The following RARS2 variants were observed in gnomAD, a reference collection of about 807,000 sequenced individuals.
RARS2 encodes probable arginine--tRNA ligase, mitochondrial.
In RARS2, 67 loss-of-function variants were observed where a neutral mutation model predicts 88.5. That is an observed-to-expected ratio of 0.76 (90% CI 0.62 to 0.93). The LOEUF (loss-of-function observed/expected upper bound fraction) is 0.93, where lower values mean the gene tolerates loss of function less well. Ranked by LOEUF, RARS2 falls within the 40% of genes least tolerant of loss-of-function variation. The pLI is 0.00. For missense variants in RARS2, 664 were observed against 684.2 expected (o/e 0.97, Z 0.33); for synonymous variants, 239 against 230.3 (o/e 1.04, Z -0.34).
intron 8 of RARS2, among the ~76,000 whole-genome samples, chr6:87,532,742 A>G (rs1052237380): frequency 3.3e-5 from 5 of 152,186 alleles, no homozygotes; most frequent in African/African-American, 1.2e-4. Context: ...CGTGAATCAC[A>G]GAATCGGGGG....
At position 87,520,235 on chromosome 6, in the gene RARS2, G is replaced by A. The variant is rs138460258; in HGVS notation, c.1057C>T (p.His353Tyr). The A allele has an allele frequency of 1.4e-5, 23 of 1,612,274 alleles. No homozygotes were observed. The African/African-American group carries it at 2.3e-4, about 16-fold the overall frequency. Reference protein sequence around the residue: ...IYVTDKGQKKHFQQVFQMLKI... With the variant: ...IYVTDKGQKKYFQQVFQMLKI... ...AGCATTTGGAATACTTGCTGAAAAT[G>A]CTTTTTTTGTCCTTTATCTGTCTTG... The change falls in exon 13 of 20, where the codon CAT (histidine) becomes TAT (tyrosine). Residue 353 changes from histidine (H) to tyrosine (Y), a missense_variant. By Grantham distance (83) the His-to-Tyr change is moderately conservative. Transcript: ENST00000369536.
At chr6:87,535,205 CAAT>C (rs1778757631) in intron 8 of RARS2, among the ~76,000 whole-genome samples, 1 of 152,094 alleles carries the variant, frequency 6.6e-6, no homozygotes. Context: ...TAACTTAAAA[CAAT>C]GATGAAATCT....
intron 17 of RARS2, 68 bp downstream of exon 17, chr6:87,518,101 C>T (rs1174457583): frequency 6.2e-7 from 1 of 1,613,070 alleles, no homozygotes; most frequent in African/African-American, 1.3e-5. Flanking sequence ...CTCTACTGGG[C>T]AGCAAAAATG....
chr6:87,562,844 T>C (rs1260925415), intron 3 of RARS2, 59 bp from the exon 4 acceptor site: 4 of 1,291,996 alleles, frequency 3.1e-6, no homozygotes, highest in Non-Finnish European at 4.5e-6. Flanking sequence ...ATGAGATAGG[T>C]AGTTCTAATG....
chr6:87,569,392 A>G (rs1399831158), intron 2 of RARS2, 125 bp downstream of exon 2: 17 of 741,168 alleles, frequency 2.3e-5, no homozygotes, highest in Non-Finnish European at 3.3e-5. Context: ...ATAATGAATC[A>G]TATCTTACAG....
chr6:87,519,272 A>G lies in RARS2; in HGVS notation c.1237+311T>C, dbSNP rs1031231160. ...CCAAGGGTGAAGGTTAATTAAAGTC[A>G]TAAGGACTGGTGACTTGTATCCAAA... On this transcript the variant is annotated intron_variant, in intron 14 of 19. Transcript: ENST00000369536. 4 of 359,730 alleles carry G rather than the reference A, an allele frequency of 1.1e-5. No individual in the cohort carries two copies. The Admixed American group carries it at 1.3e-4, about 12-fold the overall frequency. The allele number at this position is 359,730 out of a possible 1,614,324, so 22.3% of individuals were successfully genotyped here.
At chr6:87,520,344 G>T in intron 12 of RARS2, 88 bp from the exon 13 acceptor site, 1 of 1,083,360 alleles carries the variant, frequency 9.2e-7, no homozygotes, top group Non-Finnish European at 1.4e-6. Flanking sequence ...TAAGATATTT[G>T]AGGTCTGACA....
chr6:87,548,620 T>A lies in RARS2; in HGVS notation c.422A>T (p.His141Leu). The A allele has an allele frequency of 6.2e-7, 1 of 1,613,220 alleles. No individual in the cohort carries two copies. ...FSSPNVAKKF[H>L]VGHLRSTIIG... Reference sequence around the variant, plus strand: ...GATGGTAGAACGCAAATGTCCAACATGAAATTTTTTGGCAACATTAGGTGA... The same window carrying A: ...GATGGTAGAACGCAAATGTCCAACAAGAAATTTTTTGGCAACATTAGGTGA... Residue 141 changes from histidine (H) to leucine (L), a missense_variant, in exon 6 of 20, where the codon CAT (histidine) becomes CTT (leucine). Transcript: ENST00000369536.
At chr6:87,556,668 T>A (rs1786012418) in intron 4 of RARS2, among the ~76,000 whole-genome samples, 1 of 151,480 alleles carries the variant, frequency 6.6e-6, no homozygotes, top group South Asian at 2.1e-4. Context: ...GGCATGCGCC[T>A]GTAGTCCCAG....
At chr6:87,574,555 T>C (rs189534144) in intron 1 of RARS2, among the ~76,000 whole-genome samples, 1 of 151,618 alleles carries the variant, frequency 6.6e-6, no homozygotes, top group Non-Finnish European at 1.5e-5. Context: ...GTGATCAAAC[T>C]GAAATAAACA....
At chr6:87,556,535 C>G (rs1785956614) in intron 4 of RARS2, among the ~76,000 whole-genome samples, 1 of 151,896 alleles carries the variant, frequency 6.6e-6, no homozygotes, top group Non-Finnish European at 1.5e-5. Flanking sequence ...GCCTGTAACC[C>G]CAGCACTTTG....
At chr6:87,551,336 T>C (rs1273569749) in intron 5 of RARS2, among the ~76,000 whole-genome samples, 1 of 152,060 alleles carries the variant, frequency 6.6e-6, no homozygotes, top group African/African-American at 2.4e-5. Flanking sequence ...ACAGATAACA[T>C]CACTCTTGGC....
At position 87,548,659 on chromosome 6, in the gene RARS2, T is replaced by C; in HGVS notation, c.396-13A>G. On this transcript the variant is annotated splice_polypyrimidine_tract_variant and intron_variant, in intron 5 of 19. Coordinates refer to ENST00000369536, the MANE Select transcript of RARS2 (RefSeq NM_020320.5). ...AACATTAGGTGAACTGCAAAAAAAA[T>C]GGGAAACATTTCTCTATTCTAAGAC... 1 of 1,609,838 alleles carries C rather than the reference T, an allele frequency of 6.2e-7. No individual in the cohort carries two copies. The highest frequency in any genetic ancestry group is 8.5e-7 in the Non-Finnish European group (1 of 1,177,374).
chr6:87,574,907 T>C (rs566680943), intron 1 of RARS2, among the ~76,000 whole-genome samples: 1 of 149,378 alleles, frequency 6.7e-6, no homozygotes, highest in African/African-American at 2.5e-5. Flanking sequence ...AATCAGAGAA[T>C]ACAAAGATTA....
chr6:87,542,007 T>A lies in RARS2; in HGVS notation c.536-13A>T. ...GTTCCCAGAAGACCTACCATGATAATCCGTAAATGAAAAATTATAAAGTTG... is the reference window on the plus strand; with the variant it reads ...GTTCCCAGAAGACCTACCATGATAAACCGTAAATGAAAAATTATAAAGTTG... On this transcript the variant is annotated splice_polypyrimidine_tract_variant and intron_variant, in intron 7 of 19. Coordinates refer to ENST00000369536, the MANE Select transcript of RARS2 (RefSeq NM_020320.5). 6.2e-7 allele frequency: 1 copy of A among 1,604,294 alleles called. No individual in the cohort carries two copies. The highest frequency in any genetic ancestry group is 8.5e-7 in the Non-Finnish European group (1 of 1,171,702).
In RARS2 at chr6:87,577,530, A is replaced by C. The variant is rs547946448; in HGVS notation, c.37-7940T>G. ...AAACATGGTAATTTTCTAAAGATTA[A>C]GCCTCCTTTTGATATTTCTAGGATT... On this transcript the variant is annotated intron_variant, in intron 1 of 19. Coordinates refer to ENST00000369536, the MANE Select transcript of RARS2 (RefSeq NM_020320.5). Among the ~76,000 whole-genome samples the C allele has an allele frequency of 3.0e-4, 46 of 152,294 alleles. 1 individual carries two copies. Among genetic ancestry groups the C allele is most frequent in the African/African-American group, 9.6e-4 (40 of 41,566 alleles).
At chr6:87,523,640 G>A (rs1021995354) in intron 11 of RARS2, among the ~76,000 whole-genome samples, 3 of 152,066 alleles carry the variant, frequency 2.0e-5, no homozygotes, top group Non-Finnish European at 4.4e-5. Context: ...CTTTTCTGAC[G>A]GGATGTTTCT....
At chr6:87,579,276 T>C (rs1772626434) in intron 1 of RARS2, among the ~76,000 whole-genome samples, 4 of 152,074 alleles carry the variant, frequency 2.6e-5, no homozygotes, top group South Asian at 4.2e-4. Context: ...GGCTCCCATG[T>C]GCAAATATTT....
At chr6:87,544,397 T>A (rs1781957889) in intron 7 of RARS2, among the ~76,000 whole-genome samples, 1 of 152,210 alleles carries the variant, frequency 6.6e-6, no homozygotes, top group South Asian at 2.1e-4. Flanking sequence ...GATATAAAAG[T>A]TAAGTCCACG....
Sources: gnomAD v4.1 joint callset for allele counts (sites outside exome capture counted in the v4.1 genomes callset) on GRCh38, gnomAD v4.1.1 for gene constraint, MANE v1.5 for transcripts, NCBI Gene and HGNC (gene_info 2026-07-23, HGNC 2026-07-21) for gene names.